OPHN1: variants seen among roughly 807,000 people sequenced by gnomAD.
The protein encoded by OPHN1 is oligophrenin-1.
In OPHN1, 11 loss-of-function variants were observed where a neutral mutation model predicts 60.7. The observed-to-expected ratio is 0.18, with a 90% confidence interval of 0.11 to 0.30. The LOEUF is 0.30. Ranked by LOEUF, OPHN1 falls within the 10% of genes least tolerant of loss-of-function variation. The pLI is 1.00. For synonymous variants in OPHN1, 226 were observed against 222.6 expected (o/e 1.02, Z -0.14); for missense variants, 449 against 611.0 (o/e 0.73, Z 2.80).
At chrX:68,114,635 C>T (rs1056479605) in intron 16 of OPHN1, among the ~76,000 whole-genome samples, 2 of 109,763 alleles carry the variant, frequency 1.8e-5, no homozygotes, top group African/African-American at 6.6e-5. Context: ...CATGGTGGTG[C>T]GTGCCTGTAG....
intron 5 of OPHN1, among the ~76,000 whole-genome samples, chrX:68,243,869 T>A (rs2077793130): frequency 8.9e-6 from 1 of 112,434 alleles, no homozygotes; most frequent in Non-Finnish European, 1.9e-5. Flanking sequence ...TACTGGGTTA[T>A]GTGAAGACTG....
rs1262524740 is a variant in OPHN1 at position 68,043,589 on chromosome X, A to G, written c.*3583T>C. The G allele has an allele frequency of 1.8e-5, 2 of 111,413 alleles. No individual in the cohort carries two copies. Among genetic ancestry groups the G allele is most frequent in the Non-Finnish European group, 3.8e-5 (2 of 53,126 alleles). 9.2% of individuals were successfully genotyped at this position (111,413 alleles called of 1,213,427 possible). ...CTACTTTATTTGTTCTAGTTATTAC[A>G]GAATCAAAGAACTTCTTGAAAAGAG... On this transcript the variant is annotated 3_prime_UTR_variant, in exon 25 of 25. Transcript: ENST00000355520.
intron 5 of OPHN1, among the ~76,000 whole-genome samples, chrX:68,264,968 C>T (rs951376168): frequency 1.8e-5 from 2 of 112,362 alleles, no homozygotes; most frequent in African/African-American, 3.2e-5. Context: ...AAGGCAGCAG[C>T]GAGGCTGGGG....
intron 5 of OPHN1, among the ~76,000 whole-genome samples, chrX:68,237,706 T>C (rs780464014): frequency 8.9e-6 from 1 of 112,282 alleles, no homozygotes; most frequent in Non-Finnish European, 1.9e-5. Flanking sequence ...TATTTTTATA[T>C]ACTGATCTTG....
intron 5 of OPHN1, among the ~76,000 whole-genome samples, chrX:68,261,897 C>G (rs1164568146): frequency 9.0e-6 from 1 of 111,109 alleles, no homozygotes; most frequent in Admixed American, 9.7e-5. Context: ...AGGTTCCAGA[C>G]TAGAATAGTA....
chrX:68,128,885 C>T (rs1204621054), intron 15 of OPHN1, among the ~76,000 whole-genome samples: 1 of 111,490 alleles, frequency 9.0e-6, no homozygotes, highest in Non-Finnish European at 1.9e-5. Flanking sequence ...TGAAAGCTCA[C>T]GATAAGACCA....
chrX:68,189,203 C>T (rs1182211664), intron 15 of OPHN1, among the ~76,000 whole-genome samples: 1 of 111,294 alleles, frequency 9.0e-6, no homozygotes. Flanking sequence ...CCCATCTCAC[C>T]CATCTGCTCC....
At chrX:68,234,140 TAGA>T (rs1212141277) in intron 6 of OPHN1, among the ~76,000 whole-genome samples, 2 of 99,241 alleles carry the variant, frequency 2.0e-5, no homozygotes, top group Admixed American at 1.1e-4. Flanking sequence ...GGGAAAAAAG[TAGA>T]AGATCTGTTC....
chrX:68,353,095 T>A (rs1415750483), intron 2 of OPHN1, among the ~76,000 whole-genome samples: 1 of 109,225 alleles, frequency 9.2e-6, no homozygotes, highest in African/African-American at 3.3e-5. Context: ...GAGGCTGCAG[T>A]GAGCCATGAA....
chrX:68,124,048 T>C (rs1176286653), intron 15 of OPHN1, among the ~76,000 whole-genome samples: 1 of 110,787 alleles, frequency 9.0e-6, no homozygotes, highest in East Asian at 2.8e-4. Context: ...GGAAAAAAGA[T>C]ACTCCATGCC....
At chrX:68,122,783 G>T (rs1341513030) in intron 15 of OPHN1, among the ~76,000 whole-genome samples, 1 of 109,950 alleles carries the variant, frequency 9.1e-6, no homozygotes, top group Non-Finnish European at 1.9e-5. Flanking sequence ...CAGGCTATTC[G>T]AAAATACACA....
At chrX:68,385,389 A>G (rs1393018472) in intron 2 of OPHN1, among the ~76,000 whole-genome samples, 1 of 111,854 alleles carries the variant, frequency 8.9e-6, no homozygotes, top group Admixed American at 9.5e-5. Context: ...TCCAATGCCA[A>G]AAGCATATTA....
At chrX:68,209,999 T>C (rs1195754843) in intron 9 of OPHN1, 154 bp downstream of exon 9, 1 of 543,546 alleles carries the variant, frequency 1.8e-6, no homozygotes, top group Non-Finnish European at 3.1e-6. Flanking sequence ...CTCCTTTTTT[T>C]TTTTTTGTTT....
At chrX:68,231,161 A>G in intron 6 of OPHN1, among the ~76,000 whole-genome samples, 1 of 111,911 alleles carries the variant, frequency 8.9e-6, no homozygotes, top group Admixed American at 9.5e-5. Flanking sequence ...GCACAAAAAG[A>G]CAAGATATTT....
intron 2 of OPHN1, among the ~76,000 whole-genome samples, chrX:68,376,424 G>A (rs991085889): frequency 1.8e-5 from 2 of 111,258 alleles, no homozygotes; most frequent in Non-Finnish European, 3.8e-5. Flanking sequence ...GGGGATTGGG[G>A]GAGCATAGAG....
intron 6 of OPHN1, among the ~76,000 whole-genome samples, chrX:68,219,090 C>T (rs1479013045): frequency 2.2e-5 from 1 of 44,960 alleles, no homozygotes; most frequent in African/African-American, 8.2e-5. Flanking sequence ...GGAAGATCTA[C>T]CAAGCAAATG....
intron 3 of OPHN1, among the ~76,000 whole-genome samples, chrX:68,295,267 T>C (rs1015365793): frequency 3.6e-5 from 4 of 112,232 alleles, no homozygotes; most frequent in Non-Finnish European, 7.5e-5. Context: ...TTGGGAAATA[T>C]AATTTCAAAC....
At chrX:68,142,611 T>G (rs1331074127) in intron 15 of OPHN1, among the ~76,000 whole-genome samples, 1 of 112,101 alleles carries the variant, frequency 8.9e-6, no homozygotes, top group Non-Finnish European at 1.9e-5. Context: ...AAATCTATTA[T>G]GTTATACATT....
chrX:68,122,257 C>A (rs1015160206), intron 15 of OPHN1, among the ~76,000 whole-genome samples: 1 of 111,971 alleles, frequency 8.9e-6, no homozygotes. Context: ...AAGGTGGTAC[C>A]GCTACAAATC....
Sources: gnomAD v4.1 joint callset for allele counts (sites outside exome capture counted in the v4.1 genomes callset) on GRCh38, gnomAD v4.1.1 for gene constraint, MANE v1.5 for transcripts, NCBI Gene and HGNC (gene_info 2026-07-23, HGNC 2026-07-21) for gene names.